Variants in TENM1 observed in about 807,000 individuals in gnomAD.
TENM1 encodes teneurin-1.
TENM1 carries 35 observed loss-of-function variants against 174.8 expected under a neutral mutation model. That is an observed-to-expected ratio of 0.20 (90% CI 0.15 to 0.27). TENM1 has a LOEUF of 0.27. TENM1 is among the 10% of genes least tolerant of loss of function. The probability of loss-of-function intolerance (pLI) is 1.00; values close to 1 mark genes in which losing one functional copy is unlikely to be tolerated. For synonymous variants in TENM1, 781 were observed against 798.7 expected (o/e 0.98, Z 0.37); for missense variants, 1,633 against 2,130.1 (o/e 0.77, Z 4.59).
chrX:124,861,509 T>G (rs2056911168), intron 3 of TENM1, among the ~76,000 whole-genome samples: 2 of 112,156 alleles, frequency 1.8e-5, no homozygotes, highest in African/African-American at 6.5e-5. Context: ...TTCTTTCTTA[T>G]TCTAGTCTTA....
intron 5 of TENM1, among the ~76,000 whole-genome samples, chrX:124,682,265 G>A (rs1281954746): frequency 9.0e-6 from 1 of 111,663 alleles, no homozygotes; most frequent in African/African-American, 3.3e-5. Flanking sequence ...CCAGAAATTA[G>A]AGCATCCCTA....
rs1185999659 is a variant in TENM1 at position 124,527,857 on chromosome X, C to T, written c.2771+2007G>A. On this transcript the variant is annotated intron_variant, in intron 16 of 31. Transcript: ENST00000422452. ...ATTTTTAGTAGAGACGGGGTTTCACCGTGTTAGCCAGGACAGTCTCGATCT... is the reference window on the plus strand; with the variant it reads ...ATTTTTAGTAGAGACGGGGTTTCACTGTGTTAGCCAGGACAGTCTCGATCT... Among the ~76,000 whole-genome samples the T allele has an allele frequency of 4.9e-5, 5 of 102,763 alleles. No homozygotes were observed. In the South Asian group the frequency reaches 1.9e-3, roughly 39 times the overall value. 89.2% of individuals were successfully genotyped at this position (102,763 alleles called of 115,157 possible).
intron 23 of TENM1, among the ~76,000 whole-genome samples, chrX:124,430,606 G>A (rs2060769557): frequency 8.9e-6 from 1 of 111,966 alleles, no homozygotes; most frequent in African/African-American, 3.2e-5. Flanking sequence ...GTGTGTATTT[G>A]TGCTGGTCCC....
the TENM1 span, among the ~76,000 whole-genome samples, chrX:125,187,270 G>C: frequency 8.9e-6 from 1 of 111,997 alleles, no homozygotes; most frequent in African/African-American, 3.2e-5. Flanking sequence ...AAAAACAAAA[G>C]AGAAAAAAGT....
chrX:125,030,831 A>G, the TENM1 span, among the ~76,000 whole-genome samples: 1 of 112,263 alleles, frequency 8.9e-6, no homozygotes, highest in African/African-American at 3.2e-5. Flanking sequence ...AGATAAGAAT[A>G]ATTAGAATCT....
At chrX:124,638,849 C>T (rs928793983) in intron 11 of TENM1, among the ~76,000 whole-genome samples, 3 of 111,249 alleles carry the variant, frequency 2.7e-5, no homozygotes, top group African/African-American at 6.5e-5. Flanking sequence ...TCTCAGTTGG[C>T]GGCACTTACT....
chrX:124,840,852 T>C (rs1189268456), intron 3 of TENM1, among the ~76,000 whole-genome samples: 1 of 111,878 alleles, frequency 8.9e-6, no homozygotes, highest in Non-Finnish European at 1.9e-5. Context: ...TATAAATATA[T>C]CATTTTATAA....
chrX:125,172,080 A>G, the TENM1 span, among the ~76,000 whole-genome samples: 2 of 111,913 alleles, frequency 1.8e-5, no homozygotes, highest in African/African-American at 3.2e-5. Flanking sequence ...AGAGAATTAG[A>G]CAAGCATAAT....
At chrX:125,040,979 T>G in the TENM1 span, among the ~76,000 whole-genome samples, 1 of 111,555 alleles carries the variant, frequency 9.0e-6, no homozygotes, top group Admixed American at 9.6e-5. Context: ...TCACTTAACT[T>G]GTCTATTGTT....
the TENM1 span, among the ~76,000 whole-genome samples, chrX:125,170,779 C>T: frequency 9.0e-6 from 1 of 111,402 alleles, no homozygotes; most frequent in Non-Finnish European, 1.9e-5. Context: ...CCAATACCTT[C>T]TCATGAAATG....
At chrX:124,556,792 T>A (rs1052775778) in intron 14 of TENM1, among the ~76,000 whole-genome samples, 1 of 111,762 alleles carries the variant, frequency 8.9e-6, no homozygotes. Context: ...TGTCTTGAAC[T>A]TGATGTAGAA....
chrX:125,101,882 T>TGTGTTATCAA, the TENM1 span, among the ~76,000 whole-genome samples: 39,798 of 110,832 alleles, frequency 0.36, 7,547 homozygotes, highest in African/African-American at 0.74. Context: ...GACCCACATA[T>TGTGTTATCAA]GCCAACAAAT....
the TENM1 span, among the ~76,000 whole-genome samples, chrX:125,021,473 T>C: frequency 2.7e-5 from 3 of 111,698 alleles, no homozygotes; most frequent in South Asian, 1.1e-3. Flanking sequence ...TAGCAACATA[T>C]TTAGAAATGA....
Position 124,534,787 on chromosome X carries a change from A to C in TENM1, c.2652-4804T>G, listed in dbSNP as rs372876574. Among the ~76,000 whole-genome samples, 36 of 111,504 alleles carry C rather than the reference A, an allele frequency of 3.2e-4. No homozygotes were observed. In the East Asian group the frequency reaches 6.8e-3, roughly 21 times the overall value. ...GGACTGGGCTGAGAGAGGCTATATG[A>C]ATCCTCTGCTCACTAGTGTTTGAAT... is the stretch of plus-strand genomic sequence containing the variant. On this transcript the variant is annotated intron_variant, in intron 15 of 31. Transcript: ENST00000422452.
At chrX:124,411,720 C>T (rs1007625062) in intron 25 of TENM1, 3 of 111,774 alleles carry the variant, frequency 2.7e-5, no homozygotes, top group East Asian at 5.6e-4. Context: ...TACACATCAG[C>T]GGGTAATTCC....
intron 11 of TENM1, among the ~76,000 whole-genome samples, chrX:124,620,777 T>C (rs374131610): frequency 1.2e-4 from 14 of 112,269 alleles, no homozygotes; most frequent in African/African-American, 3.9e-4. Context: ...TATATTCTTG[T>C]TGTCTTACAT....
At chrX:124,864,623 A>T (rs1269747148) in intron 3 of TENM1, among the ~76,000 whole-genome samples, 2 of 111,415 alleles carry the variant, frequency 1.8e-5, no homozygotes, top group Non-Finnish European at 3.8e-5. Flanking sequence ...AATAACCTTA[A>T]AGGGGCAAAT....
intron 11 of TENM1, among the ~76,000 whole-genome samples, chrX:124,633,418 C>T (rs2050806084): frequency 9.0e-6 from 1 of 111,541 alleles, no homozygotes; most frequent in Admixed American, 9.6e-5. Flanking sequence ...AGAGAGGCAG[C>T]CGCAAACTTA....
intron 3 of TENM1, among the ~76,000 whole-genome samples, chrX:124,845,625 A>G (rs2056591792): frequency 9.0e-6 from 1 of 111,624 alleles, no homozygotes; most frequent in Admixed American, 9.6e-5. Flanking sequence ...AGAGACGTAC[A>G]TTGCCTTGAA....
Sources: gnomAD v4.1 joint callset for allele counts (sites outside exome capture counted in the v4.1 genomes callset) on GRCh38, gnomAD v4.1.1 for gene constraint, MANE v1.5 for transcripts, NCBI Gene and HGNC (gene_info 2026-07-23, HGNC 2026-07-21) for gene names.